SKIC3: variants seen among roughly 807,000 people sequenced by gnomAD.
SKIC3 encodes SKI3 subunit of superkiller complex.
the SKIC3 span, chr5:95,498,418 T>C: frequency 5.0e-6 from 8 of 1,614,074 alleles, no homozygotes; most frequent in Non-Finnish European, 5.9e-6. Context: ...ACTGCGGCCT[T>C]GGAGTGCATA....
chr5:95,514,920 C>T, the SKIC3 span: 12 of 1,612,070 alleles, frequency 7.4e-6, no homozygotes, highest in Non-Finnish European at 1.0e-5. Context: ...GCCTCATGAG[C>T]TTGCTAGGAA....
chr5:95,516,750 A>C, the SKIC3 span: 9 of 1,612,782 alleles, frequency 5.6e-6, no homozygotes, highest in Non-Finnish European at 7.6e-6. Context: ...TTTTTCAGAC[A>C]CTGAAAAGAA....
the SKIC3 span, among the ~76,000 whole-genome samples, chr5:95,489,184 G>A: frequency 6.6e-6 from 1 of 151,854 alleles, no homozygotes; most frequent in South Asian, 2.1e-4. Context: ...ATAGTGACTT[G>A]TACCTATGAC....
the SKIC3 span, chr5:95,491,116 G>C: frequency 6.5e-7 from 1 of 1,536,626 alleles, no homozygotes. Flanking sequence ...GAGATTAAGA[G>C]TTTACAAGTT....
chr5:95,475,105 G>T, the SKIC3 span, among the ~76,000 whole-genome samples: 1 of 152,166 alleles, frequency 6.6e-6, no homozygotes, highest in Non-Finnish European at 1.5e-5. Flanking sequence ...TGCCATTTCA[G>T]TCACTTCAGA....
the SKIC3 span, among the ~76,000 whole-genome samples, chr5:95,475,360 T>C: frequency 6.6e-6 from 1 of 152,154 alleles, no homozygotes; most frequent in Non-Finnish European, 1.5e-5. Flanking sequence ...TTTAGCACCA[T>C]TCCCCCTTGG....
At chr5:95,517,955 T>C in the SKIC3 span, among the ~76,000 whole-genome samples, 3,120 of 147,680 alleles carry the variant, frequency 0.021, 46 homozygotes, top group South Asian at 0.042. Flanking sequence ...TCAGTCCCAT[T>C]TTTTTTCTCT....
chr5:95,528,354 C>A, the SKIC3 span, among the ~76,000 whole-genome samples: 1 of 152,132 alleles, frequency 6.6e-6, no homozygotes, highest in East Asian at 1.9e-4. Context: ...CAGAACATAT[C>A]TGAATTTAAA....
At chr5:95,524,525 G>A in the SKIC3 span, 1,808 of 1,613,794 alleles carry the variant, frequency 1.1e-3, 34 homozygotes, top group Admixed American at 0.028. Context: ...CCATGAACCA[G>A]TATGTTAATC....
the SKIC3 span, among the ~76,000 whole-genome samples, chr5:95,482,169 C>A: frequency 6.6e-6 from 1 of 152,122 alleles, no homozygotes; most frequent in South Asian, 2.1e-4. Context: ...CATTATGATA[C>A]CCTTATTATA....
At chr5:95,508,284 G>C in the SKIC3 span, among the ~76,000 whole-genome samples, 13 of 152,152 alleles carry the variant, frequency 8.5e-5, no homozygotes, top group African/African-American at 3.1e-4. Flanking sequence ...ATGTGCCTCA[G>C]AGATTAGGCA....
chr5:95,522,712 C>G, the SKIC3 span, among the ~76,000 whole-genome samples: 1 of 152,072 alleles, frequency 6.6e-6, no homozygotes, highest in African/African-American at 2.4e-5. Context: ...AATATCTGAT[C>G]AAATTCCATT....
the SKIC3 span, among the ~76,000 whole-genome samples, chr5:95,531,827 C>G: frequency 6.6e-6 from 1 of 152,042 alleles, no homozygotes; most frequent in African/African-American, 2.4e-5. Context: ...CCCTTATTGC[C>G]TCTGTGGCTA....
At chr5:95,503,846 A>T in the SKIC3 span, 8 of 1,614,018 alleles carry the variant, frequency 5.0e-6, no homozygotes, top group Admixed American at 3.3e-5. Context: ...CCCCTTCATG[A>T]ATAAAGCCAA....
At chr5:95,544,461 C>T in the SKIC3 span, among the ~76,000 whole-genome samples, 1 of 152,160 alleles carries the variant, frequency 6.6e-6, no homozygotes, top group African/African-American at 2.4e-5. Context: ...AATGGCCAAT[C>T]TTCTCTTTGT....
the SKIC3 span, among the ~76,000 whole-genome samples, chr5:95,502,307 G>A: frequency 2.0e-5 from 3 of 152,098 alleles, no homozygotes; most frequent in African/African-American, 7.2e-5. Context: ...CTGTTTAATA[G>A]CATACATTAA....
the SKIC3 span, among the ~76,000 whole-genome samples, chr5:95,490,553 G>A: frequency 1.3e-5 from 2 of 149,098 alleles, no homozygotes; most frequent in African/African-American, 4.9e-5. Flanking sequence ...GCTGGAGAGC[G>A]GTGGCGCAAT....
chr5:95,508,402 A>G, the SKIC3 span, among the ~76,000 whole-genome samples: 4 of 152,128 alleles, frequency 2.6e-5, no homozygotes, highest in Non-Finnish European at 2.9e-5. Flanking sequence ...TTCATTTCCT[A>G]CCACTCTCCA....
At chr5:95,489,826 T>A in the SKIC3 span, among the ~76,000 whole-genome samples, 1 of 152,150 alleles carries the variant, frequency 6.6e-6, no homozygotes, top group South Asian at 2.1e-4. Context: ...CTGAAGAGCA[T>A]GGCTTCAAAA....
Sources: gnomAD v4.1 joint callset for allele counts (sites outside exome capture counted in the v4.1 genomes callset) on GRCh38, gnomAD v4.1.1 for gene constraint, MANE v1.5 for transcripts, NCBI Gene and HGNC (gene_info 2026-07-23, HGNC 2026-07-21) for gene names.